The following BCAS3 variants were observed in gnomAD, a reference collection of about 807,000 sequenced individuals.
BCAS3 encodes the protein BCAS4/BCAS3 fusion.
In BCAS3, 53 loss-of-function variants were observed where a neutral mutation model predicts 116.1. The observed-to-expected ratio is 0.46, with a 90% CI of 0.37 to 0.57. The LOEUF is 0.57. Ranked by LOEUF, BCAS3 falls within the 20% of genes least tolerant of loss-of-function variation. The pLI is 0.00. For missense variants in BCAS3, 917 were observed against 1,165.4 expected (o/e 0.79, Z 3.10); for synonymous variants, 391 against 408.2 (o/e 0.96, Z 0.51).
intron 22 of BCAS3, among the ~76,000 whole-genome samples, chr17:61,143,901 A>G (rs527567828): frequency 6.6e-6 from 1 of 152,198 alleles, no homozygotes; most frequent in Admixed American, 6.5e-5. Flanking sequence ...AGTGTGTCCT[A>G]CCATTGCTTT....
chr17:60,923,028 G>A (rs1047415764), intron 12 of BCAS3, among the ~76,000 whole-genome samples: 3 of 152,064 alleles, frequency 2.0e-5, no homozygotes, highest in Admixed American at 2.0e-4. Context: ...TCCCTTAAAA[G>A]ATTATAAAAA....
chr17:61,011,132 T>G (rs2065084596), intron 15 of BCAS3, among the ~76,000 whole-genome samples: 1 of 151,032 alleles, frequency 6.6e-6, no homozygotes, highest in Non-Finnish European at 1.5e-5. Context: ...TCTTTTTCAT[T>G]GTACTCATGC....
intron 5 of BCAS3, among the ~76,000 whole-genome samples, chr17:60,725,965 G>C (rs1308258328): frequency 6.6e-6 from 1 of 152,066 alleles, no homozygotes. Flanking sequence ...GTGTGATCTT[G>C]GCTCACTGCA....
intron 6 of BCAS3, among the ~76,000 whole-genome samples, chr17:60,754,724 C>T (rs962843386): frequency 1.7e-4 from 2 of 11,520 alleles, no homozygotes; most frequent in African/African-American, 2.0e-4. Context: ...CACACACACA[C>T]ACACACACAC....
At chr17:61,358,966 GAGATC>G (rs894784371) in intron 22 of BCAS3, among the ~76,000 whole-genome samples, 3 of 152,118 alleles carry the variant, frequency 2.0e-5, no homozygotes, top group Non-Finnish European at 4.4e-5. Flanking sequence ...CAGATGTGGG[GAGATC>G]AGAGCTAAGA....
intron 22 of BCAS3, among the ~76,000 whole-genome samples, chr17:61,236,610 G>A (rs191907190): frequency 2.0e-4 from 31 of 152,292 alleles, no homozygotes; most frequent in African/African-American, 4.3e-4. Context: ...GTGAGCCACC[G>A]CATCCGGCCA....
At chr17:61,024,649 T>G (rs1250110942) in intron 16 of BCAS3, among the ~76,000 whole-genome samples, 5 of 151,834 alleles carry the variant, frequency 3.3e-5, no homozygotes, top group Non-Finnish European at 7.4e-5. Context: ...TCTCGAGGTT[T>G]TTTTTTTTAA....
chr17:61,246,792 A>AGTGTGTGTGTGT lies in BCAS3; in HGVS notation c.2426-121508_2426-121497dup, dbSNP rs61382195. On this transcript the variant is annotated intron_variant, in intron 22 of 23. Coordinates refer to ENST00000407086, the MANE Select transcript of BCAS3 (RefSeq NM_017679.5). ...ATGGGTAGTTTTGCCTTTGAGTGAG[A>AGTGTGTGTGTGT]GTGTGTGTGTGTGTGTGTGTGTGTG... is the stretch of plus-strand genomic sequence containing the variant. 1.4e-3 allele frequency among the ~76,000 whole-genome samples: 205 copies of AGTGTGTGTGTGT among 144,222 alleles called. 1 individual carries two copies. The highest frequency in any genetic ancestry group is 4.4e-3 in the African/African-American group (172 of 39,346). 94.6% of individuals were successfully genotyped at this position (144,222 alleles called of 152,430 possible). A position where few individuals can be genotyped will look rare whatever the true frequency, so the allele number is the denominator to read the frequency against.
At chr17:61,237,645 G>A (rs553668723) in intron 22 of BCAS3, among the ~76,000 whole-genome samples, 1 of 152,302 alleles carries the variant, frequency 6.6e-6, no homozygotes, top group East Asian at 1.9e-4. Context: ...AACCAGCTCT[G>A]GATACAGTAC....
At position 61,198,334 on chromosome 17, in the gene BCAS3, G is replaced by C. The variant is rs1431167896; in HGVS notation, c.2425+113770G>C. Among the ~76,000 whole-genome samples, 3 of 151,964 alleles carry C rather than the reference G, an allele frequency of 2.0e-5. No individual in the cohort carries two copies. The highest frequency in any genetic ancestry group is 7.3e-5 in the African/African-American group (3 of 41,356). On this transcript the variant is annotated intron_variant, in intron 22 of 23. Coordinates refer to ENST00000407086, the MANE Select transcript of BCAS3 (RefSeq NM_017679.5). The surrounding 1 kb of genome is among the most constrained non-coding windows in gnomAD (Gnocchi z 5.0). The stretch of plus-strand genomic sequence containing the variant: ...TTTTTGCATTTTTAGTAGAGATGGG[G>C]TTTCACCGTGTTAGCCAGGATGTTC...
intron 1 of BCAS3, among the ~76,000 whole-genome samples, chr17:60,678,661 A>G (rs975772121): frequency 3.3e-5 from 5 of 152,196 alleles, no homozygotes; most frequent in African/African-American, 9.7e-5. Flanking sequence ...TTATAGTAGC[A>G]GGGGGTTACG....
chr17:61,203,338 A>T lies in BCAS3; in HGVS notation c.2425+118774A>T, dbSNP rs1191665720. 6.6e-6 allele frequency among the ~76,000 whole-genome samples: 1 copy of T among 152,098 alleles called. No homozygotes were observed. The highest frequency in any genetic ancestry group is 1.5e-5 in the Non-Finnish European group (1 of 68,014). Reference sequence around the variant, plus strand: ...ACACCTGGCTAATTTTTGTATTATTAGTAGAAACAGGGTTTCGCCATGTTG... The same window carrying T: ...ACACCTGGCTAATTTTTGTATTATTTGTAGAAACAGGGTTTCGCCATGTTG... On this transcript the variant is annotated intron_variant, in intron 22 of 23. Coordinates refer to ENST00000407086, the MANE Select transcript of BCAS3 (RefSeq NM_017679.5). This position sits in a 1 kb window ranked among gnomAD's most constrained non-coding sequence, Gnocchi z 5.7.
At chr17:61,039,001 C>G (rs2067288752) in intron 18 of BCAS3, among the ~76,000 whole-genome samples, 1 of 152,110 alleles carries the variant, frequency 6.6e-6, no homozygotes, top group African/African-American at 2.4e-5. Context: ...ATAAAATTAA[C>G]CCATTAAAAG....
intron 22 of BCAS3, among the ~76,000 whole-genome samples, chr17:61,329,803 A>G (rs1329996866): frequency 8.9e-6 from 1 of 112,988 alleles, no homozygotes; most frequent in Non-Finnish European, 2.1e-5. Flanking sequence ...ACCTCCTCCA[A>G]GCTTACCTGC....
In BCAS3 at chr17:61,051,549, T is replaced by G. The variant is rs2068857195; in HGVS notation, c.2029+10657T>G. On this transcript the variant is annotated intron_variant, in intron 19 of 23. Coordinates refer to ENST00000407086, the MANE Select transcript of BCAS3 (RefSeq NM_017679.5). This position sits in a 1 kb window ranked among gnomAD's most constrained non-coding sequence, Gnocchi z 4.1. ...GAGTGAAAGGTACACAGAGTATCAC[T>G]GTACTATTTTGCAACTTTTTGTGAA... is the stretch of plus-strand genomic sequence containing the variant. Among the ~76,000 whole-genome samples the G allele has an allele frequency of 6.6e-6, 1 of 152,364 alleles. No individual in the cohort carries two copies. Among genetic ancestry groups the G allele is most frequent in the African/African-American group, 2.4e-5 (1 of 41,586 alleles).
chr17:60,945,415 A>T (rs1315905959), intron 13 of BCAS3, among the ~76,000 whole-genome samples: 1 of 152,216 alleles, frequency 6.6e-6, no homozygotes. Context: ...ATTTTACCTG[A>T]TTTCAAGATT....
At chr17:60,808,192 G>C in intron 7 of BCAS3, 116 bp downstream of exon 7, 1 of 695,290 alleles carries the variant, frequency 1.4e-6, no homozygotes, top group Non-Finnish European at 2.4e-6. Context: ...TCATAAGAGA[G>C]AAGAAGAAGA....
At chr17:61,044,465 A>AAAAAAAAAAAAATATATATATATAT in intron 19 of BCAS3, among the ~76,000 whole-genome samples, 4 of 120,122 alleles carry the variant, frequency 3.3e-5, no homozygotes, top group African/African-American at 2.0e-4. Flanking sequence ...AAAAAAAAAA[A>AAAAAAAAAAAAATATATATATATAT]ATATATATAT....
At chr17:61,006,424 G>C (rs2064717077) in intron 15 of BCAS3, among the ~76,000 whole-genome samples, 1 of 151,950 alleles carries the variant, frequency 6.6e-6, no homozygotes, top group African/African-American at 2.4e-5. Context: ...TGTATGTTTA[G>C]CAGTTTAAGT....
Sources: allele counts gnomAD v4.1 joint callset (sites outside exome capture counted in the v4.1 genomes callset), GRCh38; gene constraint gnomAD v4.1.1; non-coding constraint Gnocchi (gnomAD v3.1); transcripts MANE v1.5; gene names NCBI Gene and HGNC (gene_info 2026-07-23, HGNC 2026-07-21).